Variants in MIER1 observed in about 807,000 individuals in gnomAD.
The protein encoded by MIER1 is mesoderm induction early response protein 1.
In MIER1, 40 loss-of-function variants were observed where a neutral mutation model predicts 75.7. That is an observed-to-expected ratio of 0.53 (90% CI 0.41 to 0.69). MIER1 has a LOEUF of 0.69. Ranked by LOEUF, MIER1 falls within the 30% of genes least tolerant of loss-of-function variation. The pLI, the probability that MIER1 is intolerant of heterozygous loss-of-function variation, is 0.00. For synonymous variants in MIER1, 213 were observed against 223.4 expected, an observed-to-expected ratio of 0.95 and a Z score of 0.42; for missense variants, 574 against 680.2, an observed-to-expected ratio of 0.84 and a Z score of 1.74.
At chr1:66,946,575 A>G in intron 4 of MIER1, 1 of 1,083,978 alleles carries the variant, frequency 9.2e-7, no homozygotes, top group Non-Finnish European at 1.1e-6. Context: ...TGGACTATAA[A>G]AGGATTCTAC....
chr1:66,940,417 G>T (rs1359051093), intron 3 of MIER1, among the ~76,000 whole-genome samples: 1 of 151,386 alleles, frequency 6.6e-6, no homozygotes, highest in African/African-American at 2.4e-5. Flanking sequence ...GGATTTCAAA[G>T]TATTTTTATT....
intron 2 of MIER1, among the ~76,000 whole-genome samples, chr1:66,931,455 A>G (rs558662609): frequency 1.3e-5 from 2 of 152,076 alleles, no homozygotes; most frequent in Non-Finnish European, 2.9e-5. Flanking sequence ...GTAAATTTTG[A>G]TTGATAAGGC....
In MIER1 at chr1:66,985,771, A is replaced by G. The variant is rs1024986018; in HGVS notation, c.*871A>G. ...AGTGTTTGTGTAGTAATTAAGTCAT[A>G]TTTCTTATCCAGGTGGTTAAAGCAT... On this transcript the variant is annotated 3_prime_UTR_variant, in exon 14 of 14. Transcript: ENST00000401041. The G allele has an allele frequency of 2.1e-6, 2 of 930,344 alleles. No homozygotes were observed. Among genetic ancestry groups the G allele is most frequent in the South Asian group, 5.0e-5 (1 of 19,984 alleles). The allele number at this position is 930,344 out of a possible 1,614,324, so 57.6% of individuals were successfully genotyped here.
chr1:66,925,287 G>T (rs1263665180), intron 1 of MIER1, 192 bp downstream of exon 1: 2 of 984,406 alleles, frequency 2.0e-6, no homozygotes, highest in African/African-American at 1.7e-5. Flanking sequence ...TGCCAAAGGC[G>T]CATGCGCAGC....
At chr1:66,959,631 G>T (rs781152862) in intron 6 of MIER1, 48 bp from the exon 7 acceptor site, 1 of 900,556 alleles carries the variant, frequency 1.1e-6, no homozygotes, top group African/African-American at 1.8e-5. Flanking sequence ...TGTAGATTTA[G>T]ACAGGATAAG....
At chr1:66,959,144 C>G (rs1375056284) in intron 6 of MIER1, among the ~76,000 whole-genome samples, 161 bp downstream of exon 6, 1 of 152,012 alleles carries the variant, frequency 6.6e-6, no homozygotes, top group Admixed American at 6.6e-5. Flanking sequence ...AATGCAGGGT[C>G]CCTGTTGTTA....
chr1:66,931,827 A>T (rs992373130), intron 2 of MIER1, among the ~76,000 whole-genome samples: 1 of 151,968 alleles, frequency 6.6e-6, no homozygotes, highest in African/African-American at 2.4e-5. Flanking sequence ...AGTTGTGTGT[A>T]GCTGGATTTA....
chr1:66,940,631 C>G (rs974916800), intron 3 of MIER1, among the ~76,000 whole-genome samples: 2 of 151,894 alleles, frequency 1.3e-5, no homozygotes, highest in African/African-American at 4.8e-5. Flanking sequence ...TCATTTTTTC[C>G]TAACTTAGAG....
rs779117695 is a variant in MIER1 at position 66,986,285 on chromosome 1, G to A, written c.*1385G>A. 6.0e-5 allele frequency: 88 copies of A among 1,460,448 alleles called. No individual in the cohort carries two copies. Among genetic ancestry groups the A allele is most frequent in the Non-Finnish European group, 7.4e-5 (82 of 1,113,532 alleles). 90.5% of individuals were successfully genotyped at this position (1,460,448 alleles called of 1,614,324 possible). A position where few individuals can be genotyped will look rare whatever the true frequency, so the allele number is the denominator to read the frequency against. On this transcript the variant is annotated 3_prime_UTR_variant, in exon 14 of 14. Coordinates refer to ENST00000401041, the MANE Select transcript of MIER1 (RefSeq NM_001077700.3). ...TATCCATCTGCATAGCCTTGTAAAA[G>A]TGCCATTTTATTTTTAGTGCTAAAT...
rs1570213885 is a variant in MIER1 at position 66,944,732 on chromosome 1, T to A, written c.194-1418T>A. Among the ~76,000 whole-genome samples, 3 of 152,034 alleles carry A rather than the reference T, an allele frequency of 2.0e-5. No individual in the cohort carries two copies. The East Asian group carries it at 5.8e-4, about 29-fold the overall frequency. ...AATATTAGATTTTTTTTTATTTATT[T>A]TTTATTTTTTAAAGTCAGGGCCTTG... On this transcript the variant is annotated intron_variant, in intron 3 of 13. Transcript: ENST00000401041.
chr1:66,959,770 T>G (rs920800687), intron 7 of MIER1, 27 bp downstream of exon 7: 1 of 1,135,334 alleles, frequency 8.8e-7, no homozygotes, highest in Middle Eastern at 2.1e-4. Flanking sequence ...TTTCCCAAAA[T>G]TTAGATAAAT....
chr1:66,984,854 C>T lies in MIER1; in HGVS notation c.1652C>T (p.Ala551Val), dbSNP rs773297690. ...GGTTCTTCTGAATTTTTCCAAGAAG[C>T]AGTCTCACATGGGAAATTTGAAGAA... ...SPGSSEFFQE[A>V]VSHGKFEELE... is the part of the protein sequence containing the mutation. The change falls in exon 14 of 14, where the codon GCA becomes GTA. Residue 551 changes from alanine (A) to valine (V), a missense_variant. Ala to Val is a moderately conservative substitution (Grantham distance 64). Coordinates refer to ENST00000401041, the MANE Select transcript of MIER1 (RefSeq NM_001077700.3). 3 of 1,607,830 alleles carry T rather than the reference C, an allele frequency of 1.9e-6. No individual in the cohort carries two copies. Among genetic ancestry groups the T allele is most frequent in the Non-Finnish European group, 2.5e-6 (3 of 1,178,306 alleles).
At position 66,972,887 on chromosome 1, in the gene MIER1, A is replaced by G. The variant is rs754386779; in HGVS notation, c.1007-10A>G. The G allele has an allele frequency of 2.0e-6, 3 of 1,476,676 alleles. No individual in the cohort carries two copies. Among genetic ancestry groups the G allele is most frequent in the African/African-American group, 2.8e-5 (2 of 72,016 alleles). 91.5% of individuals were successfully genotyped at this position (1,476,676 alleles called of 1,614,324 possible). ...TATTGCTTAACAGTTTGTTCCTCCCATCTTGTCAGAGGAATTATCTGTTTG... is the reference window on the plus strand; with the variant it reads ...TATTGCTTAACAGTTTGTTCCTCCCGTCTTGTCAGAGGAATTATCTGTTTG... On this transcript the variant is annotated splice_polypyrimidine_tract_variant and intron_variant, in intron 10 of 13. Coordinates refer to ENST00000401041, the MANE Select transcript of MIER1 (RefSeq NM_001077700.3).
intron 12 of MIER1, among the ~76,000 whole-genome samples, chr1:66,981,092 CAT>C (rs1197210495): frequency 7.8e-6 from 1 of 127,880 alleles, no homozygotes; most frequent in Admixed American, 7.3e-5. Context: ...GTGTGTTAGA[CAT>C]ATGATTTATC....
intron 1 of MIER1, among the ~76,000 whole-genome samples, chr1:66,925,705 G>T (rs566911083): frequency 6.6e-6 from 1 of 152,180 alleles, no homozygotes; most frequent in Non-Finnish European, 1.5e-5. Flanking sequence ...GTAGTGGCTA[G>T]GTCCCTGGCC....
chr1:66,929,898 T>C (rs1194717290), intron 2 of MIER1, among the ~76,000 whole-genome samples: 2 of 152,242 alleles, frequency 1.3e-5, no homozygotes, highest in Non-Finnish European at 2.9e-5. Context: ...TTTCAGCAAA[T>C]GCATTTCAAA....
At chr1:66,950,707 C>CG (rs1658722819) in intron 4 of MIER1, among the ~76,000 whole-genome samples, 1 of 44,438 alleles carries the variant, frequency 2.3e-5, no homozygotes, top group Non-Finnish European at 4.1e-5. Context: ...CGTATACACA[C>CG]AAATTAATTA....
intron 8 of MIER1, among the ~76,000 whole-genome samples, chr1:66,964,276 T>C (rs1156345271): frequency 1.1e-4 from 16 of 151,046 alleles, no homozygotes. Flanking sequence ...GGTTTCGCCA[T>C]GTTGGCCAGG....
chr1:66,960,009 A>G (rs959434488), intron 7 of MIER1: 5 of 210,858 alleles, frequency 2.4e-5, no homozygotes, highest in Non-Finnish European at 4.7e-5. Flanking sequence ...GCTTGAGCCC[A>G]GGAGTTCGAG....
Sources: allele counts gnomAD v4.1 joint callset (sites outside exome capture counted in the v4.1 genomes callset), GRCh38; gene constraint gnomAD v4.1.1; transcripts MANE v1.5; gene names NCBI Gene and HGNC (gene_info 2026-07-23, HGNC 2026-07-21).